OR2I1: variants seen among roughly 807,000 people sequenced by gnomAD.
The protein encoded by OR2I1 is olfactory receptor family 2 subfamily I member 1 (gene/pseudogene).
the OR2I1 span, chr6:29,557,151 T>G: frequency 6.6e-6 from 1 of 152,216 alleles, no homozygotes; most frequent in East Asian, 1.9e-4. Context: ...AGGCAAAAGT[T>G]AAGTCATGCA....
chr6:29,553,868 C>T, the OR2I1 span: 1 of 398,766 alleles, frequency 2.5e-6, no homozygotes. Flanking sequence ...ATCCTGGCCT[C>T]CTACGGTGCC....
chr6:29,552,206 T>C, the OR2I1 span, among the ~76,000 whole-genome samples: 1 of 152,208 alleles, frequency 6.6e-6, no homozygotes, highest in African/African-American at 2.4e-5. Flanking sequence ...TAATATTTGA[T>C]AGTAAAGCCA....
At chr6:29,551,614 G>A in the OR2I1 span, among the ~76,000 whole-genome samples, 2,465 of 152,238 alleles carry the variant, frequency 0.016, 45 homozygotes, top group East Asian at 0.089. Flanking sequence ...TCTTAATTTG[G>A]GAAACAGATA....
the OR2I1 span, chr6:29,557,281 G>A: frequency 6.6e-6 from 1 of 152,150 alleles, no homozygotes; most frequent in African/African-American, 2.4e-5. Context: ...CTCACCCTGT[G>A]TTGGGGAACA....
At chr6:29,553,189 G>A in the OR2I1 span, 1 of 398,422 alleles carries the variant, frequency 2.5e-6, no homozygotes, top group Non-Finnish European at 4.4e-6. Flanking sequence ...TTTTTATTTC[G>A]ACCTTCCAAA....
At chr6:29,552,052 A>G in the OR2I1 span, among the ~76,000 whole-genome samples, 1 of 152,248 alleles carries the variant, frequency 6.6e-6, no homozygotes, top group Non-Finnish European at 1.5e-5. Flanking sequence ...CATGCAGCAG[A>G]AAGATTTCTG....
the OR2I1 span, chr6:29,556,501 T>G: frequency 6.8e-6 from 4 of 585,956 alleles, no homozygotes; most frequent in Non-Finnish European, 1.2e-5. Flanking sequence ...TTGGAACTTC[T>G]TTTTTGGAAT....
chr6:29,554,215 T>C, the OR2I1 span: 1 of 398,498 alleles, frequency 2.5e-6, no homozygotes, highest in Non-Finnish European at 4.4e-6. Context: ...AGGATGGAAA[T>C]ACCCCTTAGT....
At chr6:29,556,062 C>A in the OR2I1 span, 1 of 1,613,150 alleles carries the variant, frequency 6.2e-7, no homozygotes, top group Non-Finnish European at 8.5e-7. Context: ...GACCTTCGCA[C>A]CTGGAGGAGG....
At chr6:29,554,635 G>A in the OR2I1 span, 2 of 153,110 alleles carry the variant, frequency 1.3e-5, no homozygotes, top group Non-Finnish European at 2.9e-5. Flanking sequence ...CCCTCCCCGG[G>A]GCATTTCACC....
chr6:29,556,291 G>A, the OR2I1 span: 7 of 1,612,842 alleles, frequency 4.3e-6, no homozygotes, highest in East Asian at 2.2e-5. Flanking sequence ...TTTTTTTCAC[G>A]CTGTCATATG....
the OR2I1 span, chr6:29,550,804 C>A: frequency 6.6e-6 from 1 of 152,332 alleles, no homozygotes; most frequent in Non-Finnish European, 1.5e-5. Context: ...AGAGACCAAC[C>A]TATCATCTGG....
the OR2I1 span, chr6:29,556,018 C>T: frequency 1.9e-6 from 3 of 1,613,144 alleles, no homozygotes; most frequent in South Asian, 3.3e-5. Context: ...CCGTCTTAGT[C>T]TCGATCATTG....
At chr6:29,556,233 C>T in the OR2I1 span, 16 of 1,612,958 alleles carry the variant, frequency 9.9e-6, no homozygotes, top group East Asian at 3.6e-4. Context: ...AGCAAAAGAA[C>T]CTGGTCCTGC....
the OR2I1 span, chr6:29,554,537 A>T: frequency 6.2e-6 from 1 of 161,762 alleles, no homozygotes; most frequent in Non-Finnish European, 1.3e-5. Flanking sequence ...CCTACCCTGC[A>T]GGAGAGGGTA....
At chr6:29,551,078 GTTT>G in the OR2I1 span, among the ~76,000 whole-genome samples, 3 of 152,336 alleles carry the variant, frequency 2.0e-5, no homozygotes, top group Non-Finnish European at 4.4e-5. Flanking sequence ...TATCTGTGCA[GTTT>G]TATTATTGTG....
the OR2I1 span, chr6:29,554,634 G>C: frequency 1.3e-5 from 2 of 153,134 alleles, no homozygotes; most frequent in Non-Finnish European, 2.9e-5. Flanking sequence ...GCCCTCCCCG[G>C]GGCATTTCAC....
chr6:29,552,467 G>A, the OR2I1 span, among the ~76,000 whole-genome samples: 48 of 152,294 alleles, frequency 3.2e-4, 1 homozygote, highest in East Asian at 8.7e-3. Flanking sequence ...GGGCATGGAC[G>A]TTGGGAGTAG....
At chr6:29,555,828 A>T in the OR2I1 span, 1 of 1,425,918 alleles carries the variant, frequency 7.0e-7, no homozygotes, top group Non-Finnish European at 9.8e-7. Context: ...TGAGTAAGAG[A>T]TTAAAAGAAA....
Sources: allele counts gnomAD v4.1 joint callset (sites outside exome capture counted in the v4.1 genomes callset), GRCh38; gene constraint gnomAD v4.1.1; transcripts MANE v1.5; gene names NCBI Gene and HGNC (gene_info 2026-07-23, HGNC 2026-07-21).